TCF12: variants seen among roughly 807,000 people sequenced by gnomAD.
TCF12 encodes the protein transcription factor 12, also known as DNA-binding protein HTF4.
A neutral mutation model predicts 86.0 loss-of-function variants in TCF12; 45 were observed. The ratio of observed to expected loss-of-function variants is 0.52; its 90% CI spans 0.41 to 0.67. The LOEUF (loss-of-function observed/expected upper bound fraction) is 0.67, where lower values mean the gene tolerates loss of function less well. Ranked by LOEUF, TCF12 falls within the 30% of genes least tolerant of loss-of-function variation. The probability of loss-of-function intolerance (pLI) is 0.00; values close to 1 mark genes in which losing one functional copy is unlikely to be tolerated. For synonymous variants in TCF12, 330 were observed against 299.6 expected, an observed-to-expected ratio of 1.10 and a Z score of -1.05; for missense variants, 881 against 859.9, an observed-to-expected ratio of 1.02 and a Z score of -0.31.
chr15:57,212,397 C>T (rs1224231587), intron 8 of TCF12, among the ~76,000 whole-genome samples: 4 of 152,222 alleles, frequency 2.6e-5, no homozygotes, highest in South Asian at 2.1e-4. Context: ...GATCCTCCCA[C>T]CTCAGTCTCC....
intron 3 of TCF12, among the ~76,000 whole-genome samples, chr15:57,036,097 G>A (rs2066490819): frequency 6.8e-6 from 1 of 147,248 alleles, no homozygotes; most frequent in African/African-American, 2.5e-5. Flanking sequence ...CTGCTGCCTT[G>A]ACTGACACAT....
intron 6 of TCF12, among the ~76,000 whole-genome samples, chr15:57,184,791 T>G (rs1358056729): frequency 3.3e-5 from 5 of 152,144 alleles, no homozygotes; most frequent in Admixed American, 3.3e-4. Context: ...CAATGGAAAT[T>G]TCAGTATAAC....
chr15:57,068,058 A>G (rs556980280), intron 4 of TCF12, among the ~76,000 whole-genome samples: 70 of 152,182 alleles, frequency 4.6e-4, no homozygotes, highest in African/African-American at 1.6e-3. Flanking sequence ...TTTTCTCTTC[A>G]GAAGGCTGTG....
chr15:56,919,690 G>C, intron 1 of TCF12: 1 of 409,858 alleles, frequency 2.4e-6, no homozygotes. Flanking sequence ...GCCGCGGCGA[G>C]GAACGCGTGG....
At chr15:57,190,464 G>A (rs1211035411) in intron 6 of TCF12, among the ~76,000 whole-genome samples, 1 of 152,104 alleles carries the variant, frequency 6.6e-6, no homozygotes, top group Non-Finnish European at 1.5e-5. Flanking sequence ...GCAGTAAGGG[G>A]TATTAAATAT....
chr15:57,012,552 G>C (rs1372630917), intron 3 of TCF12, among the ~76,000 whole-genome samples: 2 of 152,208 alleles, frequency 1.3e-5, no homozygotes, highest in African/African-American at 2.4e-5. Flanking sequence ...AGAGTTTAGT[G>C]TGCAGGATAT....
intron 8 of TCF12, among the ~76,000 whole-genome samples, chr15:57,201,304 G>T (rs2057530718): frequency 1.3e-5 from 2 of 151,994 alleles, no homozygotes; most frequent in South Asian, 2.1e-4. Flanking sequence ...AGCAAGTAAG[G>T]GTGTGTACCA....
At chr15:56,953,108 C>G (rs1212994617) in intron 3 of TCF12, among the ~76,000 whole-genome samples, 1 of 151,996 alleles carries the variant, frequency 6.6e-6, no homozygotes, top group East Asian at 1.9e-4. Context: ...GAGATTGTCA[C>G]ATAGGTTTTC....
intron 6 of TCF12, among the ~76,000 whole-genome samples, chr15:57,170,806 T>A (rs1273989645): frequency 1.4e-3 from 2 of 1,424 alleles, no homozygotes; most frequent in Admixed American, 2.7e-3. Context: ...ATATATATAA[T>A]TTTTTTTTTT....
rs557610511 is a variant in TCF12, at chr15:56,995,231, C to CTTTTTTTTTTTTTTTTT, written c.149-68507_149-68491dup. Among the ~76,000 whole-genome samples the CTTTTTTTTTTTTTTTTT allele has an allele frequency of 1.0e-3, 31 of 30,300 alleles. 11 individuals are homozygous for CTTTTTTTTTTTTTTTTT. The highest frequency in any genetic ancestry group is 1.5e-3 in the Non-Finnish European group (24 of 16,184). 19.9% of individuals were successfully genotyped at this position (30,300 alleles called of 152,430 possible). A position where few individuals can be genotyped will look rare whatever the true frequency, so the allele number is the denominator to read the frequency against. ...AAGTCAGGTAATGTGATACCTGCAGCTTTTTTTTTTTTTTTTTTTTTTTTT... is the reference window on the plus strand; with the variant it reads ...AAGTCAGGTAATGTGATACCTGCAGCTTTTTTTTTTTTTTTTTTTTTTTTTTTTTTTTTTTTTTTTTT... On this transcript the variant is annotated intron_variant, in intron 3 of 20. Transcript: ENST00000333725.
intron 3 of TCF12, among the ~76,000 whole-genome samples, chr15:56,930,004 A>G (rs961081655): frequency 2.0e-5 from 3 of 152,196 alleles, no homozygotes; most frequent in Admixed American, 6.5e-5. Context: ...CCTGTGAGCT[A>G]TTTCCAGGCT....
At chr15:57,211,475 A>G (rs1170339149) in intron 8 of TCF12, among the ~76,000 whole-genome samples, 1 of 152,212 alleles carries the variant, frequency 6.6e-6, no homozygotes, top group Non-Finnish European at 1.5e-5. Flanking sequence ...ATGGAGTTAT[A>G]TATAACTAGC....
At chr15:57,010,864 T>C (rs1180573291) in intron 3 of TCF12, among the ~76,000 whole-genome samples, 1 of 152,226 alleles carries the variant, frequency 6.6e-6, no homozygotes, top group Non-Finnish European at 1.5e-5. Flanking sequence ...ACTTAAAATA[T>C]AATTTCTGGT....
intron 3 of TCF12, among the ~76,000 whole-genome samples, chr15:57,009,268 A>G (rs1352026687): frequency 6.6e-6 from 1 of 151,838 alleles, no homozygotes; most frequent in Non-Finnish European, 1.5e-5. Context: ...CACTTCATCA[A>G]GCCTGGCTAA....
At chr15:57,262,666 A>T (rs1316419888) in intron 17 of TCF12, among the ~76,000 whole-genome samples, 1 of 152,208 alleles carries the variant, frequency 6.6e-6, no homozygotes, top group Admixed American at 6.5e-5. Flanking sequence ...CTTACAAGTA[A>T]GTGTGAAGAT....
chr15:57,042,422 C>G (rs2066955827), intron 3 of TCF12, among the ~76,000 whole-genome samples: 1 of 151,954 alleles, frequency 6.6e-6, no homozygotes. Flanking sequence ...TTTTCCTGCT[C>G]TAATATATAT....
At chr15:57,193,300 T>G (rs1186802888) in intron 7 of TCF12, among the ~76,000 whole-genome samples, 1 of 152,236 alleles carries the variant, frequency 6.6e-6, no homozygotes, top group Non-Finnish European at 1.5e-5. Context: ...AGTTGTACAG[T>G]TGAGTAGCAT....
At chr15:57,034,986 A>C (rs1300791925) in intron 3 of TCF12, among the ~76,000 whole-genome samples, 1 of 152,196 alleles carries the variant, frequency 6.6e-6, no homozygotes, top group African/African-American at 2.4e-5. Context: ...TAATATCAAC[A>C]TAAAATATTT....
intron 3 of TCF12, among the ~76,000 whole-genome samples, chr15:56,952,187 T>TACACACAC (rs766821041): frequency 4.7e-5 from 2 of 42,556 alleles, no homozygotes; most frequent in African/African-American, 1.4e-4. Flanking sequence ...TTTTTGTGTA[T>TACACACAC]ATACACACAC....
Sources: allele counts gnomAD v4.1 joint callset (sites outside exome capture counted in the v4.1 genomes callset), GRCh38; gene constraint gnomAD v4.1.1; transcripts MANE v1.5; gene names NCBI Gene and HGNC (gene_info 2026-07-23, HGNC 2026-07-21).